The following ROBO1 variants were observed in gnomAD, a reference collection of about 807,000 sequenced individuals.
ROBO1 encodes roundabout homolog 1.
In ROBO1, 149 loss-of-function variants were observed where a neutral mutation model predicts 195.9. The observed-to-expected ratio is 0.76, with a 90% CI of 0.67 to 0.87. The LOEUF (loss-of-function observed/expected upper bound fraction) is 0.87, where lower values mean the gene tolerates loss of function less well. Among genes scored for constraint, ROBO1 ranks in the 40% least tolerant of loss-of-function variants. The pLI, the probability that ROBO1 is intolerant of heterozygous loss-of-function variation, is 0.00. For missense variants in ROBO1, 1,933 were observed against 2,068.3 expected (o/e 0.93, Z 1.27); for synonymous variants, 816 against 733.2 (o/e 1.11, Z -1.82).
At chr3:79,284,237 G>C (rs911625524) in intron 2 of ROBO1, among the ~76,000 whole-genome samples, 1 of 151,966 alleles carries the variant, frequency 6.6e-6, no homozygotes, top group Non-Finnish European at 1.5e-5. Flanking sequence ...AATAGTGGGA[G>C]AGGGAGACCT....
intron 3 of ROBO1, among the ~76,000 whole-genome samples, chr3:78,980,126 A>C (rs2121803): frequency 1 from 152,006 of 152,252 alleles, 75,880 homozygotes; most frequent in Middle Eastern, 1. Flanking sequence ...CAATTAAATT[A>C]ATGTTATAAT....
At chr3:79,405,032 T>C (rs559431745) in intron 2 of ROBO1, among the ~76,000 whole-genome samples, 1 of 152,114 alleles carries the variant, frequency 6.6e-6, no homozygotes, top group Non-Finnish European at 1.5e-5. Context: ...CACTGCCCCA[T>C]TGAAATTATG....
chr3:79,232,097 C>G (rs761590147), intron 2 of ROBO1, among the ~76,000 whole-genome samples: 1 of 151,762 alleles, frequency 6.6e-6, no homozygotes, highest in Non-Finnish European at 1.5e-5. Flanking sequence ...AAATAACTAA[C>G]GGATACTAGG....
chr3:79,027,844 GT>G (rs1388658556), intron 3 of ROBO1, among the ~76,000 whole-genome samples: 1 of 151,814 alleles, frequency 6.6e-6, no homozygotes, highest in Non-Finnish European at 1.5e-5. Flanking sequence ...ACCATATCTT[GT>G]TGTATATATC....
At chr3:79,037,107 T>C (rs1172329929) in intron 3 of ROBO1, among the ~76,000 whole-genome samples, 1 of 152,146 alleles carries the variant, frequency 6.6e-6, no homozygotes, top group African/African-American at 2.4e-5. Context: ...CATCTAGATT[T>C]CAAGCAGACT....
intron 2 of ROBO1, among the ~76,000 whole-genome samples, chr3:79,498,804 G>A (rs1939891867): frequency 6.6e-6 from 1 of 151,670 alleles, no homozygotes; most frequent in African/African-American, 2.4e-5. Flanking sequence ...CAGTGATTGA[G>A]CCATTGTGCT....
At chr3:79,122,894 G>A (rs576994285) in intron 3 of ROBO1, among the ~76,000 whole-genome samples, 2 of 151,904 alleles carry the variant, frequency 1.3e-5, no homozygotes, top group South Asian at 2.1e-4. Context: ...GGGTGAGGGA[G>A]AAAAGTCTCA....
chr3:79,658,991 T>C (rs1219581650), intron 1 of ROBO1, among the ~76,000 whole-genome samples: 1 of 151,882 alleles, frequency 6.6e-6, no homozygotes, highest in Non-Finnish European at 1.5e-5. Context: ...CACCTCAGAC[T>C]CCCAAAGTGC....
At chr3:79,271,549 C>T (rs902560474) in intron 2 of ROBO1, among the ~76,000 whole-genome samples, 1 of 151,948 alleles carries the variant, frequency 6.6e-6, no homozygotes, top group Admixed American at 6.6e-5. Flanking sequence ...GGAAATTTAG[C>T]CATATGCTTT....
chr3:78,774,865 A>G (rs1315977597), intron 4 of ROBO1, among the ~76,000 whole-genome samples: 1 of 152,210 alleles, frequency 6.6e-6, no homozygotes, highest in South Asian at 2.1e-4. Context: ...ACTTGAAAAC[A>G]TATTCAGTAT....
chr3:79,656,454 A>G (rs1367426942), intron 1 of ROBO1, among the ~76,000 whole-genome samples: 2 of 152,106 alleles, frequency 1.3e-5, no homozygotes, highest in African/African-American at 4.8e-5. Flanking sequence ...AAAACAGGAA[A>G]TGCAAATTCC....
chr3:78,940,069 G>A (rs1321461830), intron 3 of ROBO1, among the ~76,000 whole-genome samples: 1 of 152,044 alleles, frequency 6.6e-6, no homozygotes, highest in African/African-American at 2.4e-5. Flanking sequence ...ATTTATCAAA[G>A]ATTTCTCAAA....
intron 1 of ROBO1, among the ~76,000 whole-genome samples, chr3:79,675,172 GTCGGTGTGTATGAGCCTATACA>G (rs1309652549): frequency 2.6e-5 from 4 of 151,880 alleles, no homozygotes. Flanking sequence ...GAATATTACA[GTCGGTGTGTATGAGCCTATACA>G]TCCCACAGGA....
intron 4 of ROBO1, among the ~76,000 whole-genome samples, chr3:78,786,039 A>C (rs2083822900): frequency 6.6e-6 from 1 of 152,204 alleles, no homozygotes; most frequent in Non-Finnish European, 1.5e-5. Flanking sequence ...AATTAAATTA[A>C]TGTGAACTAC....
At chr3:79,381,194 T>C (rs1429496328) in intron 2 of ROBO1, among the ~76,000 whole-genome samples, 2 of 151,492 alleles carry the variant, frequency 1.3e-5, no homozygotes, top group Non-Finnish European at 2.9e-5. Flanking sequence ...CCGTCTCTAC[T>C]AAAAATACTA....
chr3:78,617,070 G>A (rs759925661), intron 27 of ROBO1, among the ~76,000 whole-genome samples: 8 of 152,062 alleles, frequency 5.3e-5, no homozygotes, highest in African/African-American at 7.2e-5. Flanking sequence ...TACATATACC[G>A]TCATATCTTC....
At chr3:78,656,719 G>A (rs1383968027) in intron 18 of ROBO1, among the ~76,000 whole-genome samples, 1 of 152,086 alleles carries the variant, frequency 6.6e-6, no homozygotes, top group Non-Finnish European at 1.5e-5. Flanking sequence ...TCATGTTCAC[G>A]GAGGTATCCT....
chr3:79,435,573 G>T (rs1482150971), intron 2 of ROBO1, among the ~76,000 whole-genome samples: 1 of 151,986 alleles, frequency 6.6e-6, no homozygotes, highest in Non-Finnish European at 1.5e-5. Flanking sequence ...GTCTATGTCG[G>T]AATTACCATA....
chr3:79,442,574 G>A (rs2039092800), intron 2 of ROBO1, among the ~76,000 whole-genome samples: 1 of 152,090 alleles, frequency 6.6e-6, no homozygotes, highest in Non-Finnish European at 1.5e-5. Context: ...GTGACAGAGA[G>A]GGTTGTGGCT....
Sources: gnomAD v4.1 joint callset for allele counts (sites outside exome capture counted in the v4.1 genomes callset) on GRCh38, gnomAD v4.1.1 for gene constraint, MANE v1.5 for transcripts, NCBI Gene and HGNC (gene_info 2026-07-23, HGNC 2026-07-21) for gene names.